ATRNL1: variants seen among roughly 807,000 people sequenced by gnomAD.
The protein encoded by ATRNL1 is attractin like 1, also known as attractin-like protein 1.
Under a neutral mutation model 182.7 loss-of-function variants are expected in ATRNL1, and 95 were observed. The observed-to-expected ratio is 0.52, with a 90% CI of 0.44 to 0.62. The LOEUF is 0.62. Ranked by LOEUF, ATRNL1 falls within the 20% of genes least tolerant of loss-of-function variation. The pLI, the probability that ATRNL1 is intolerant of heterozygous loss-of-function variation, is 0.00. For missense variants in ATRNL1, 1,471 were observed against 1,679.5 expected, an observed-to-expected ratio of 0.88 and a Z score of 2.17; for synonymous variants, 576 against 568.3, an observed-to-expected ratio of 1.01 and a Z score of -0.19.
intron 26 of ATRNL1, among the ~76,000 whole-genome samples, chr10:115,711,343 T>C (rs1297716839): frequency 6.6e-6 from 1 of 152,160 alleles, no homozygotes; most frequent in African/African-American, 2.4e-5. Flanking sequence ...ACTCACATCA[T>C]CTGCAGGCAG....
Position 115,667,652 on chromosome 10 carries a change from C to CTTT in ATRNL1, c.3796-59586_3796-59584dup, listed in dbSNP as rs34762832. Among the ~76,000 whole-genome samples the CTTT allele has an allele frequency of 1.8e-3, 267 of 146,538 alleles. 9 individuals carry two copies. In the East Asian group the frequency reaches 0.031, roughly 17 times the overall value. On this transcript the variant is annotated intron_variant, in intron 26 of 28. Coordinates refer to ENST00000355044, the MANE Select transcript of ATRNL1 (RefSeq NM_207303.4). ...ATCCACAACATTACATCTACTGCATCTTTTTTTTTTTTCCTCCTTTGAGAT... is the reference window on the plus strand; with the variant it reads ...ATCCACAACATTACATCTACTGCATCTTTTTTTTTTTTTTTCCTCCTTTGAGAT...
At chr10:115,242,329 A>T (rs1850456720) in intron 10 of ATRNL1, among the ~76,000 whole-genome samples, 1 of 151,978 alleles carries the variant, frequency 6.6e-6, no homozygotes, top group African/African-American at 2.4e-5. Flanking sequence ...ACCTAATTTT[A>T]GTTACGCAAT....
intron 19 of ATRNL1, among the ~76,000 whole-genome samples, chr10:115,359,495 T>G (rs1234381985): frequency 1.3e-5 from 2 of 151,642 alleles, no homozygotes; most frequent in Non-Finnish European, 1.5e-5. Flanking sequence ...TTCTGCTTGC[T>G]TTTATTTTCA....
intron 1 of ATRNL1, among the ~76,000 whole-genome samples, chr10:115,110,958 G>A (rs1329595140): frequency 4.6e-5 from 7 of 152,128 alleles, no homozygotes; most frequent in African/African-American, 9.7e-5. Flanking sequence ...CTGGATCCAC[G>A]AAAGGAAGAT....
rs148090330 is a variant in ATRNL1 at position 115,458,881 on chromosome 10, C to A, written c.3323-3060C>A. Among the ~76,000 whole-genome samples the A allele has an allele frequency of 6.4e-3, 977 of 152,252 alleles. 11 individuals carry two copies. Among genetic ancestry groups the A allele is most frequent in the African/African-American group, 0.022 (926 of 41,564 alleles). On this transcript the variant is annotated intron_variant, in intron 21 of 28. Coordinates refer to ENST00000355044, the MANE Select transcript of ATRNL1 (RefSeq NM_207303.4). Reference sequence around the variant, plus strand: ...TAAATAGATATTCTCTTTCTCAAGACTGCAGCCCTACTTTTTGTTGTGGGA... The same window carrying A: ...TAAATAGATATTCTCTTTCTCAAGAATGCAGCCCTACTTTTTGTTGTGGGA...
At chr10:115,299,286 T>C (rs1554923704) in intron 15 of ATRNL1, among the ~76,000 whole-genome samples, 1 of 151,956 alleles carries the variant, frequency 6.6e-6, no homozygotes, top group East Asian at 1.9e-4. Flanking sequence ...TGAGTAATTA[T>C]TAAGGTTATA....
At chr10:115,183,425 T>G (rs1847822164) in intron 8 of ATRNL1, among the ~76,000 whole-genome samples, 3 of 151,350 alleles carry the variant, frequency 2.0e-5, no homozygotes. Context: ...AACAGATTAA[T>G]TTTTTTGAAA....
chr10:115,359,021 G>T (rs539797804), intron 19 of ATRNL1, among the ~76,000 whole-genome samples: 1 of 151,498 alleles, frequency 6.6e-6, no homozygotes, highest in Admixed American at 6.6e-5. Context: ...ATTTAAATGG[G>T]TGTTATGTCC....
intron 25 of ATRNL1, among the ~76,000 whole-genome samples, chr10:115,520,076 G>A (rs1850845355): frequency 6.6e-6 from 1 of 152,078 alleles, no homozygotes; most frequent in African/African-American, 2.4e-5. Context: ...CTGGTCATTT[G>A]GGTGCCTTTG....
intron 5 of ATRNL1, among the ~76,000 whole-genome samples, chr10:115,139,765 A>G (rs1226569833): frequency 6.6e-6 from 1 of 152,186 alleles, no homozygotes; most frequent in African/African-American, 2.4e-5. Flanking sequence ...ATGGCTGATA[A>G]ATGGCAACAA....
intron 26 of ATRNL1, among the ~76,000 whole-genome samples, chr10:115,717,178 T>A (rs1488453212): frequency 2.6e-5 from 4 of 152,222 alleles, no homozygotes; most frequent in Non-Finnish European, 5.9e-5. Context: ...TATTTGAGAT[T>A]AACTGCTGTT....
intron 7 of ATRNL1, among the ~76,000 whole-genome samples, chr10:115,166,970 AT>A (rs1235025936): frequency 6.6e-6 from 1 of 151,866 alleles, no homozygotes; most frequent in African/African-American, 2.4e-5. Context: ...GCAAGAAATC[AT>A]TGCTAGATCC....
intron 28 of ATRNL1, among the ~76,000 whole-genome samples, chr10:115,939,789 GAGGA>G (rs1379976047): frequency 6.6e-6 from 1 of 152,106 alleles, no homozygotes; most frequent in African/African-American, 2.4e-5. Flanking sequence ...ATCCAACTAG[GAGGA>G]AGCACTTCCT....
At chr10:115,929,606 T>C (rs1953336362) in intron 28 of ATRNL1, among the ~76,000 whole-genome samples, 1 of 152,110 alleles carries the variant, frequency 6.6e-6, no homozygotes, top group African/African-American at 2.4e-5. Flanking sequence ...TTTCAGATTG[T>C]ACTTTAAGAA....
At chr10:115,465,918 G>C (rs371147674) in intron 22 of ATRNL1, among the ~76,000 whole-genome samples, 3 of 151,464 alleles carry the variant, frequency 2.0e-5, no homozygotes, top group African/African-American at 7.3e-5. Context: ...GATGGATATG[G>C]AACACTGTTA....
chr10:115,812,653 T>C (rs1950073526), intron 27 of ATRNL1, among the ~76,000 whole-genome samples: 1 of 152,108 alleles, frequency 6.6e-6, no homozygotes, highest in Admixed American at 6.5e-5. Context: ...ATTTTTTGCA[T>C]TTTTAGTAGA....
At chr10:115,324,205 G>T (rs1854750405) in intron 18 of ATRNL1, among the ~76,000 whole-genome samples, 2 of 151,454 alleles carry the variant, frequency 1.3e-5, no homozygotes. Context: ...TCTCTTCCAT[G>T]TCAGGGTTTG....
At chr10:115,923,108 A>G (rs1277934259) in intron 28 of ATRNL1, among the ~76,000 whole-genome samples, 1 of 152,160 alleles carries the variant, frequency 6.6e-6, no homozygotes, top group Non-Finnish European at 1.5e-5. Context: ...GCCTTAGCTG[A>G]AGGATTGCAG....
At chr10:115,267,369 T>C (rs1251229406) in intron 12 of ATRNL1, among the ~76,000 whole-genome samples, 1 of 151,772 alleles carries the variant, frequency 6.6e-6, no homozygotes, top group Admixed American at 6.6e-5. Flanking sequence ...TGTGGTATTT[T>C]TTTTTCTTCC....
Sources: allele counts gnomAD v4.1 joint callset (sites outside exome capture counted in the v4.1 genomes callset), GRCh38; gene constraint gnomAD v4.1.1; transcripts MANE v1.5; gene names NCBI Gene and HGNC (gene_info 2026-07-23, HGNC 2026-07-21).